Variants in PATJ observed in about 807,000 individuals in gnomAD.
PATJ encodes the protein PATJ crumbs cell polarity complex component.
A neutral mutation model predicts 224.9 loss-of-function variants in PATJ; 190 were observed. The ratio of observed to expected loss-of-function variants is 0.84; its 90% CI spans 0.75 to 0.95. The LOEUF (loss-of-function observed/expected upper bound fraction) is 0.95, where lower values mean the gene tolerates loss of function less well. PATJ is among the 40% of genes least tolerant of loss of function. PATJ has a pLI of 0.00. For missense variants in PATJ, 2,121 were observed against 2,270.3 expected (o/e 0.93, Z 1.34); for synonymous variants, 769 against 820.3 (o/e 0.94, Z 1.07).
intron 27 of PATJ, among the ~76,000 whole-genome samples, chr1:61,982,820 T>C (rs1644523908): frequency 6.6e-6 from 1 of 152,020 alleles, no homozygotes; most frequent in Non-Finnish European, 1.5e-5. Context: ...TCTTTGTTTT[T>C]TCTGTTTCTT....
intron 29 of PATJ, among the ~76,000 whole-genome samples, chr1:62,020,010 G>T (rs961728918): frequency 2.0e-5 from 3 of 150,824 alleles, no homozygotes; most frequent in Non-Finnish European, 4.4e-5. Flanking sequence ...CTGTGCAAAA[G>T]AAAAAAAAAT....
chr1:62,103,129 A>G (rs1482697313), intron 33 of PATJ, among the ~76,000 whole-genome samples: 4 of 152,182 alleles, frequency 2.6e-5, no homozygotes, highest in African/African-American at 9.6e-5. Flanking sequence ...CAATATTTCA[A>G]CAGAATTGAT....
At chr1:61,819,892 TAGAG>T (rs562347347) in intron 14 of PATJ, among the ~76,000 whole-genome samples, 2 of 152,186 alleles carry the variant, frequency 1.3e-5, no homozygotes, top group African/African-American at 4.8e-5. Context: ...TGAGTTCTGA[TAGAG>T]AGTGTTCCTC....
intron 27 of PATJ, among the ~76,000 whole-genome samples, chr1:61,958,512 A>C (rs1307900744): frequency 6.6e-6 from 1 of 152,212 alleles, no homozygotes; most frequent in Non-Finnish European, 1.5e-5. Context: ...CTATGGTTAA[A>C]GTACCCTACC....
Position 62,162,968 on chromosome 1 carries a change from A to C in PATJ, c.*1914A>C, listed in dbSNP as rs1379946475. 4.9e-6 allele frequency: 2 copies of C among 411,468 alleles called. No homozygotes were observed. The highest frequency in any genetic ancestry group is 4.2e-5 in the African/African-American group (2 of 47,240). 25.5% of individuals were successfully genotyped at this position (411,468 alleles called of 1,614,324 possible). Reference sequence around the variant, plus strand: ...TCTCGAAAAAGAAAAAAAACCATGAAGGATGAGTACTAGAGTCAGTAATAG... The same window carrying C: ...TCTCGAAAAAGAAAAAAAACCATGACGGATGAGTACTAGAGTCAGTAATAG... On this transcript the variant is annotated 3_prime_UTR_variant, in exon 44 of 44. Coordinates refer to ENST00000642238, the MANE Select transcript of PATJ (RefSeq NM_001350145.3).
intron 30 of PATJ, among the ~76,000 whole-genome samples, chr1:62,049,758 A>C (rs1653238856): frequency 1.3e-5 from 2 of 152,192 alleles, no homozygotes; most frequent in Admixed American, 1.3e-4. Context: ...TTCTGCAGGA[A>C]AAAGTCACGA....
chr1:61,869,237 G>T lies in PATJ; in HGVS notation c.2835+4604G>T, dbSNP rs372287256. On this transcript the variant is annotated intron_variant, in intron 20 of 43. Transcript: ENST00000642238. ...TTCTCCTGCCTCAGCCTCCCAAGTAGCTGGGACTACAGGCGCCCGCCACTA... is the reference window on the plus strand; with the variant it reads ...TTCTCCTGCCTCAGCCTCCCAAGTATCTGGGACTACAGGCGCCCGCCACTA... 3.2e-4 allele frequency among the ~76,000 whole-genome samples: 48 copies of T among 148,460 alleles called. No homozygotes were observed. In the East Asian group the frequency reaches 8.1e-3, roughly 25 times the overall value.
chr1:61,905,874 A>G (rs373711271), intron 24 of PATJ, among the ~76,000 whole-genome samples: 2 of 152,168 alleles, frequency 1.3e-5, no homozygotes, highest in African/African-American at 4.8e-5. Flanking sequence ...TTCTGATACT[A>G]TGTATCTGGA....
intron 31 of PATJ, among the ~76,000 whole-genome samples, chr1:62,052,567 C>T (rs1191406757): frequency 6.6e-6 from 1 of 151,858 alleles, no homozygotes; most frequent in Non-Finnish European, 1.5e-5. Flanking sequence ...CATGGAGAAA[C>T]CCCGTCTCTA....
rs143826074 is a variant in PATJ, at chr1:62,157,372, C to G, written c.5503-3536C>G. On this transcript the variant is annotated intron_variant, in intron 43 of 43. Transcript: ENST00000642238. ...ACTAAGAAATTATTTAATTCAACCC[C>G]TCCAGAAATTATTTAATTCAGCCCC... 1.3e-3 allele frequency among the ~76,000 whole-genome samples: 197 copies of G among 149,240 alleles called. 20 individuals are homozygous for G. Among genetic ancestry groups the G allele is most frequent in the Non-Finnish European group, 2.3e-3 (155 of 66,980 alleles).
At chr1:62,134,330 C>CTTTTTTTTTT (rs779235130) in intron 41 of PATJ, among the ~76,000 whole-genome samples, 3 of 96,514 alleles carry the variant, frequency 3.1e-5, no homozygotes, top group African/African-American at 4.3e-5. Context: ...CCAGCCCTCT[C>CTTTTTTTTTT]TTTTTTTTTT....
At chr1:62,126,622 A>C (rs1388291266) in intron 39 of PATJ, among the ~76,000 whole-genome samples, 3 of 152,234 alleles carry the variant, frequency 2.0e-5, no homozygotes, top group Non-Finnish European at 4.4e-5. Flanking sequence ...GAACATTTTC[A>C]GCCACATTTT....
intron 28 of PATJ, among the ~76,000 whole-genome samples, chr1:62,014,260 T>A (rs1646633848): frequency 6.6e-6 from 1 of 152,064 alleles, no homozygotes; most frequent in Admixed American, 6.6e-5. Flanking sequence ...AGGGTCTTTC[T>A]GTGTTGCCCA....
At chr1:61,975,266 TAA>T (rs1312487684) in intron 27 of PATJ, among the ~76,000 whole-genome samples, 1 of 152,038 alleles carries the variant, frequency 6.6e-6, no homozygotes, top group African/African-American at 2.4e-5. Flanking sequence ...GTGTGATTCT[TAA>T]GAGTTTAGGT....
At chr1:62,002,733 A>G (rs9661808) in intron 28 of PATJ, among the ~76,000 whole-genome samples, 42,093 of 126,022 alleles carry the variant, frequency 0.33, 7,314 homozygotes, top group East Asian at 0.43. Flanking sequence ...AAAAAAAAAA[A>G]AGAGAGAGAG....
At position 61,871,557 on chromosome 1, in the gene PATJ, ATTTTTT is replaced by A. The variant is rs71582650; in HGVS notation, c.2836-3668_2836-3663del. Among the ~76,000 whole-genome samples, 364 of 54,982 alleles carry A rather than the reference ATTTTTT, an allele frequency of 6.6e-3. 1 individual carries two copies. The highest frequency in any genetic ancestry group is 0.014 in the African/African-American group (200 of 13,818). The allele number at this position is 54,982 out of a possible 152,430, so 36.1% of individuals were successfully genotyped here. ...TGTGTGTGTATATATATATATATAT[ATTTTTT>A]TTTTTTTTTTTTTTTTTGAGATGGA... On this transcript the variant is annotated intron_variant, in intron 20 of 43. Transcript: ENST00000642238.
At chr1:62,121,914 A>G (rs1324529177) in intron 38 of PATJ, among the ~76,000 whole-genome samples, 1 of 152,194 alleles carries the variant, frequency 6.6e-6, no homozygotes, top group African/African-American at 2.4e-5. Context: ...GAGAAAGGTC[A>G]GAAGTGTGTA....
At chr1:61,756,011 T>G (rs749363594) in intron 1 of PATJ, among the ~76,000 whole-genome samples, 3 of 152,146 alleles carry the variant, frequency 2.0e-5, no homozygotes, top group Non-Finnish European at 4.4e-5. Flanking sequence ...CATGTTGGTC[T>G]CGAACTCCTG....
At chr1:61,837,900 G>T (rs1359940514) in intron 17 of PATJ, among the ~76,000 whole-genome samples, 1 of 151,912 alleles carries the variant, frequency 6.6e-6, no homozygotes, top group Non-Finnish European at 1.5e-5. Context: ...GAATATTGAT[G>T]AAAGTTGTGT....
Sources: gnomAD v4.1 joint callset for allele counts (sites outside exome capture counted in the v4.1 genomes callset) on GRCh38, gnomAD v4.1.1 for gene constraint, MANE v1.5 for transcripts, NCBI Gene and HGNC (gene_info 2026-07-23, HGNC 2026-07-21) for gene names.